KCNIP2: variants seen among roughly 807,000 people sequenced by gnomAD.
KCNIP2 encodes potassium voltage-gated channel interacting protein 2.
In KCNIP2, 19 loss-of-function variants were observed where a neutral mutation model predicts 39.0. The ratio of observed to expected loss-of-function variants is 0.49; its 90% CI spans 0.34 to 0.71. The LOEUF (loss-of-function observed/expected upper bound fraction) is 0.71. Ranked by LOEUF, KCNIP2 falls within the 30% of genes least tolerant of loss-of-function variation. KCNIP2 has a pLI of 0.01. For synonymous variants in KCNIP2, 111 were observed against 131.2 expected, an observed-to-expected ratio of 0.85 and a Z score of 1.05; for missense variants, 261 against 346.0, an observed-to-expected ratio of 0.75 and a Z score of 1.95.
At chr10:101,832,298 G>C (rs1188058064) in intron 1 of KCNIP2, among the ~76,000 whole-genome samples, 4 of 20,808 alleles carry the variant, frequency 1.9e-4, no homozygotes, top group Admixed American at 4.8e-4. Flanking sequence ...CAGTGTTACT[G>C]TGTGTGTGTG....
At chr10:101,827,610 TCCCAAAGAAG>T in intron 9 of KCNIP2, 69 bp downstream of exon 9, 1 of 1,528,476 alleles carries the variant, frequency 6.5e-7, no homozygotes, top group South Asian at 1.1e-5. Flanking sequence ...GTGGTATTCT[TCCCAAAGAAG>T]CTTTTCCCTG....
In KCNIP2 at chr10:101,840,907, G is replaced by T. The variant is rs968516621; in HGVS notation, c.73+2589C>A. Among the ~76,000 whole-genome samples the T allele has an allele frequency of 4.6e-5, 7 of 152,278 alleles. No individual in the cohort carries two copies. In the South Asian group the frequency reaches 1.4e-3, roughly 32 times the overall value. On this transcript the variant is annotated intron_variant, in intron 1 of 9. Coordinates refer to ENST00000356640, the MANE Select transcript of KCNIP2 (RefSeq NM_173191.3). Reference sequence around the variant, plus strand: ...GGGACTCCACTGAGATCCCAGTCGGGGGACCGAGCTCAGGGCTAGCCAGCC... The same window carrying T: ...GGGACTCCACTGAGATCCCAGTCGGTGGACCGAGCTCAGGGCTAGCCAGCC...
rs1182308530 is a variant in KCNIP2, at chr10:101,828,840, G to C, written c.349-144C>G. 1 of 1,568,924 alleles carries C rather than the reference G, an allele frequency of 6.4e-7. No homozygotes were observed. Among genetic ancestry groups the C allele is most frequent in the African/African-American group, 1.4e-5 (1 of 73,774 alleles). ...TCACCACGTGGCTCATGTGATGGGA[G>C]GGAAGACTTCTTTCCCAGTGCACAA... On this transcript the variant is annotated intron_variant, in intron 4 of 9. Transcript: ENST00000356640. The surrounding 1 kb of genome is among the most constrained non-coding windows in gnomAD (Gnocchi z 6.6).
chr10:101,829,902 AG>A lies in KCNIP2; in HGVS notation c.170-6del. Reference sequence around the variant, plus strand: ...GGGAGGCTGGGGCGGCTAATGCTGAAGGGAGCGAACTGTCACCGAGAAAGCG... The same window carrying A: ...GGGAGGCTGGGGCGGCTAATGCTGAAGGAGCGAACTGTCACCGAGAAAGCG... On this transcript the variant is annotated splice_region_variant and splice_polypyrimidine_tract_variant and intron_variant, in intron 2 of 9. Coordinates refer to ENST00000356640, the MANE Select transcript of KCNIP2 (RefSeq NM_173191.3). 6.5e-7 allele frequency: 1 copy of A among 1,536,566 alleles called. No homozygotes were observed. The highest frequency in any genetic ancestry group is 8.8e-7 in the Non-Finnish European group (1 of 1,142,826).
Position 101,829,839 on chromosome 10 carries a change from GTC to G in KCNIP2, c.223+3_223+4del. ...CGCCCCGCCCCCACCAGGAGCGTAA[GTC>G]ACCTGGGTCCAGCAGGCGGGGTCTG... On this transcript the variant is annotated splice_donor_region_variant and intron_variant, in intron 3 of 9. Transcript: ENST00000356640. The G allele has an allele frequency of 7.1e-7, 1 of 1,412,022 alleles. No individual in the cohort carries two copies. Among genetic ancestry groups the G allele is most frequent in the Non-Finnish European group, 9.2e-7 (1 of 1,083,774 alleles). The allele number at this position is 1,412,022 out of a possible 1,614,324, so 87.5% of individuals were successfully genotyped here. A position where few individuals can be genotyped will look rare whatever the true frequency, so the allele number is the denominator to read the frequency against.
chr10:101,826,997 C>T lies in KCNIP2; in HGVS notation c.*356G>A. On this transcript the variant is annotated 3_prime_UTR_variant, in exon 10 of 10. Transcript: ENST00000356640. ...GTCTTAGGGGAAATGTTTATGAGGT[C>T]AGGGATGGGGGAAGCACCATAGCAG... 4.9e-6 allele frequency: 1 copy of T among 202,144 alleles called. No homozygotes were observed. Among genetic ancestry groups the T allele is most frequent in the Non-Finnish European group, 9.9e-6 (1 of 100,764 alleles). 12.5% of individuals were successfully genotyped at this position (202,144 alleles called of 1,614,324 possible).
At position 101,831,199 on chromosome 10, in the gene KCNIP2, T is replaced by G. The variant is rs748206100; in HGVS notation, c.74-32A>C. The G allele has an allele frequency of 3.8e-5, 56 of 1,462,888 alleles. 1 individual carries two copies. In the South Asian group the frequency reaches 6.7e-4, roughly 17 times the overall value. The allele number at this position is 1,462,888 out of a possible 1,614,324, so 90.6% of individuals were successfully genotyped here. The stretch of plus-strand genomic sequence containing the variant: ...AGAGAGAAGACCCCAGGAAGGCACA[T>G]TAACTCCCATTGTCCCTCTGTTCCC... On this transcript the variant is annotated intron_variant, in intron 1 of 9. Coordinates refer to ENST00000356640, the MANE Select transcript of KCNIP2 (RefSeq NM_173191.3).
At position 101,834,047 on chromosome 10, in the gene KCNIP2, G is replaced by A. The variant is rs575403237; in HGVS notation, c.74-2880C>T. On this transcript the variant is annotated intron_variant, in intron 1 of 9. Transcript: ENST00000356640. Reference sequence around the variant, plus strand: ...CACCTCCTGACACCTTGGTCCCCCAGATTCCCTCCTCCCTCCATATCTACT... The same window carrying A: ...CACCTCCTGACACCTTGGTCCCCCAAATTCCCTCCTCCCTCCATATCTACT... Among the ~76,000 whole-genome samples the A allele has an allele frequency of 2.9e-4, 44 of 151,388 alleles. No individual in the cohort carries two copies. In the South Asian group the frequency reaches 9.0e-3, roughly 31 times the overall value.
chr10:101,828,530 ACCC>A lies in KCNIP2; in HGVS notation c.419-74_419-72del. ...TTCCTCCCTCTAAGGAGCTCCCCATACCCCCCATCACCTTGGCATTCCCAGCTC... is the reference window on the plus strand; with the variant it reads ...TTCCTCCCTCTAAGGAGCTCCCCATACCCATCACCTTGGCATTCCCAGCTC... On this transcript the variant is annotated intron_variant, in intron 5 of 9. Coordinates refer to ENST00000356640, the MANE Select transcript of KCNIP2 (RefSeq NM_173191.3). This position sits in a 1 kb window ranked among gnomAD's most constrained non-coding sequence, Gnocchi z 6.6. The A allele has an allele frequency of 1.3e-6, 2 of 1,591,276 alleles. No homozygotes were observed. Among genetic ancestry groups the A allele is most frequent in the South Asian group, 2.2e-5 (2 of 90,096 alleles).
At chr10:101,830,582 A>C in intron 2 of KCNIP2, 1 of 577,858 alleles carries the variant, frequency 1.7e-6, no homozygotes, top group Non-Finnish European at 2.7e-6. Context: ...CCAACTGACC[A>C]CGCCCACACA....
At chr10:101,830,108 C>A in intron 2 of KCNIP2, among the ~76,000 whole-genome samples, 1 of 152,150 alleles carries the variant, frequency 6.6e-6, no homozygotes. Flanking sequence ...TGGGACCCAT[C>A]TAAGTCCAAC....
chr10:101,835,253 C>T (rs937554535), intron 1 of KCNIP2, among the ~76,000 whole-genome samples: 1 of 152,096 alleles, frequency 6.6e-6, no homozygotes, highest in Admixed American at 6.5e-5. Context: ...TCACCAATAT[C>T]GATTTGGTTG....
chr10:101,841,495 G>C (rs1399740199), intron 1 of KCNIP2, among the ~76,000 whole-genome samples: 1 of 152,210 alleles, frequency 6.6e-6, no homozygotes, highest in Non-Finnish European at 1.5e-5. Flanking sequence ...GCTCCTGGTA[G>C]TCCTATTTCT....
chr10:101,829,982 C>G, intron 2 of KCNIP2, 85 bp from the exon 3 acceptor site: 1 of 1,482,812 alleles, frequency 6.7e-7, no homozygotes, highest in Non-Finnish European at 9.1e-7. Flanking sequence ...CAGAGCAAAC[C>G]TCACAACCCA....
At chr10:101,832,787 T>C (rs905991199) in intron 1 of KCNIP2, among the ~76,000 whole-genome samples, 1 of 151,934 alleles carries the variant, frequency 6.6e-6, no homozygotes, top group African/African-American at 2.4e-5. Flanking sequence ...TACCTGCTTC[T>C]AAGCCTCTGT....
At chr10:101,839,727 C>T in intron 1 of KCNIP2, 2 of 1,605,474 alleles carry the variant, frequency 1.2e-6, no homozygotes, top group African/African-American at 1.3e-5. Context: ...AAGGATCCTG[C>T]CCCTCCCTTC....
intron 1 of KCNIP2, among the ~76,000 whole-genome samples, chr10:101,836,487 C>T (rs1004127685): frequency 1.3e-5 from 2 of 152,090 alleles, no homozygotes; most frequent in African/African-American, 4.8e-5. Context: ...CTGCCCCCGT[C>T]GGCATCCCAA....
rs921477210 is a variant in KCNIP2, at chr10:101,843,772, G to C, written c.-204C>G. 2.7e-6 allele frequency: 1 copy of C among 375,214 alleles called. No individual in the cohort carries two copies. Among genetic ancestry groups the C allele is most frequent in the African/African-American group, 2.1e-5 (1 of 47,470 alleles). The allele number at this position is 375,214 out of a possible 1,614,324, so 23.2% of individuals were successfully genotyped here. A position where few individuals can be genotyped will look rare whatever the true frequency, so the allele number is the denominator to read the frequency against. On this transcript the variant is annotated 5_prime_UTR_variant, in exon 1 of 10. Transcript: ENST00000356640. The surrounding 1 kb of genome is among the most constrained non-coding windows in gnomAD (Gnocchi z 6.7). ...GGAGAGGGAACACTAGGCAGCAGGTGAGCGCAGAGCCGGAGGCAGAGCGGA... is the reference window on the plus strand; with the variant it reads ...GGAGAGGGAACACTAGGCAGCAGGTCAGCGCAGAGCCGGAGGCAGAGCGGA...
rs757153988 is a variant in KCNIP2 at position 101,828,605 on chromosome 10, C to T, written c.418+22G>A. ...CAGCCTAGAGAAGGACAACTGCTTC[C>T]CCTTGGGCCTTGTCCCCTCACCTCC... is the stretch of plus-strand genomic sequence containing the variant. On this transcript the variant is annotated intron_variant, in intron 5 of 9. Transcript: ENST00000356640. This position sits in a 1 kb window ranked among gnomAD's most constrained non-coding sequence, Gnocchi z 6.6. 2.5e-6 allele frequency: 4 copies of T among 1,610,328 alleles called. No homozygotes were observed. In the East Asian group the frequency reaches 6.7e-5, roughly 27 times the overall value.
Sources: gnomAD v4.1 joint callset for allele counts (sites outside exome capture counted in the v4.1 genomes callset) on GRCh38, gnomAD v4.1.1 for gene constraint, Gnocchi (gnomAD v3.1) non-coding constraint, MANE v1.5 for transcripts, NCBI Gene and HGNC (gene_info 2026-07-23, HGNC 2026-07-21) for gene names.